TTLL7: variants seen among roughly 807,000 people sequenced by gnomAD.
TTLL7 encodes the protein tubulin polyglutamylase TTLL7.
TTLL7 carries 53 observed loss-of-function variants against 120.2 expected under a neutral mutation model. The ratio of observed to expected loss-of-function variants is 0.44; its 90% CI spans 0.35 to 0.55. The LOEUF is 0.55. Ranked by LOEUF, TTLL7 falls within the 20% of genes least tolerant of loss-of-function variation. The pLI, the probability that TTLL7 is intolerant of heterozygous loss-of-function variation, is 0.00. For missense variants in TTLL7, 803 were observed against 1,054.7 expected (o/e 0.76, Z 3.31); for synonymous variants, 353 against 351.7 (o/e 1.00, Z -0.04).
intron 14 of TTLL7, among the ~76,000 whole-genome samples, chr1:83,915,612 C>T (rs1658082830): frequency 6.6e-6 from 1 of 152,096 alleles, no homozygotes. Flanking sequence ...ACACCAAAAG[C>T]AATGGCAACA....
intron 1 of TTLL7, among the ~76,000 whole-genome samples, chr1:83,955,087 C>T (rs184258497): frequency 2.0e-5 from 3 of 152,260 alleles, no homozygotes; most frequent in East Asian, 1.9e-4. Flanking sequence ...CCTATTCTTC[C>T]GTTGAGCTTC....
At chr1:83,962,954 T>C (rs951112761) in intron 1 of TTLL7, among the ~76,000 whole-genome samples, 2 of 152,164 alleles carry the variant, frequency 1.3e-5, no homozygotes, top group Non-Finnish European at 2.9e-5. Flanking sequence ...TGGACAACGC[T>C]TCTCTAATAA....
intron 14 of TTLL7, among the ~76,000 whole-genome samples, chr1:83,915,337 G>T (rs367586405): frequency 8.5e-5 from 13 of 152,086 alleles, no homozygotes; most frequent in East Asian, 3.9e-4. Flanking sequence ...AAATAATGCC[G>T]CAGGTCTACA....
chr1:83,884,537 C>T (rs1220745079), intron 19 of TTLL7, among the ~76,000 whole-genome samples: 4 of 151,648 alleles, frequency 2.6e-5, no homozygotes, highest in African/African-American at 4.8e-5. Context: ...GGGAGTAAGA[C>T]TGAAATGAGT....
intron 1 of TTLL7, among the ~76,000 whole-genome samples, chr1:83,962,994 A>G (rs575081958): frequency 3.9e-5 from 6 of 152,180 alleles, no homozygotes; most frequent in Non-Finnish European, 5.9e-5. Flanking sequence ...TAAAAAACAT[A>G]CATAGCCTAA....
Position 83,995,938 on chromosome 1 carries a change from C to A in TTLL7, c.-177+2993G>T, listed in dbSNP as rs934860581. 3.9e-5 allele frequency among the ~76,000 whole-genome samples: 6 copies of A among 152,036 alleles called. 1 individual carries two copies. Among genetic ancestry groups the A allele is most frequent in the Middle Eastern group, 6.8e-3 (2 of 294 alleles). On this transcript the variant is annotated intron_variant, in intron 1 of 20. Coordinates refer to ENST00000260505, the MANE Select transcript of TTLL7 (RefSeq NM_024686.6). ...AATTATGTAGTCATTTTTAAGCCTG[C>A]TATTAGGCATTTTAAACCTAGTATT...
At chr1:83,973,234 A>G (rs1651155016) in intron 1 of TTLL7, among the ~76,000 whole-genome samples, 1 of 151,908 alleles carries the variant, frequency 6.6e-6, no homozygotes, top group South Asian at 2.1e-4. Flanking sequence ...GTCTGCTTTG[A>G]GTTAATTTTT....
chr1:83,928,289 A>C (rs1659307176), intron 10 of TTLL7, among the ~76,000 whole-genome samples: 1 of 152,102 alleles, frequency 6.6e-6, no homozygotes, highest in African/African-American at 2.4e-5. Context: ...CTCTGCTAGA[A>C]CTCTTGAATG....
intron 20 of TTLL7, among the ~76,000 whole-genome samples, chr1:83,875,104 A>G (rs567637233): frequency 6.6e-6 from 1 of 152,012 alleles, no homozygotes; most frequent in South Asian, 2.1e-4. Flanking sequence ...ATTATCACCC[A>G]TGTTAAGTAA....
intron 18 of TTLL7, among the ~76,000 whole-genome samples, chr1:83,896,735 A>G (rs1656257528): frequency 6.6e-6 from 1 of 152,064 alleles, no homozygotes; most frequent in Admixed American, 6.6e-5. Context: ...ACCTCTTAGC[A>G]CCCTAAAATA....
At chr1:83,902,698 G>T (rs775211325) in intron 18 of TTLL7, among the ~76,000 whole-genome samples, 2 of 151,872 alleles carry the variant, frequency 1.3e-5, no homozygotes, top group Non-Finnish European at 2.9e-5. Flanking sequence ...ACTCGAGGTA[G>T]TTTCATCTAG....
intron 9 of TTLL7, among the ~76,000 whole-genome samples, chr1:83,929,677 G>C (rs1408697113): frequency 6.6e-6 from 1 of 152,076 alleles, no homozygotes; most frequent in Non-Finnish European, 1.5e-5. Flanking sequence ...GAAACTATCA[G>C]TGCTCCCTTT....
At chr1:83,987,392 A>C (rs992990074) in intron 1 of TTLL7, among the ~76,000 whole-genome samples, 1 of 152,170 alleles carries the variant, frequency 6.6e-6, no homozygotes, top group Non-Finnish European at 1.5e-5. Context: ...CCCTAAATCA[A>C]CGTATAGGTT....
intron 7 of TTLL7, among the ~76,000 whole-genome samples, chr1:83,938,986 G>A (rs1647678256): frequency 6.6e-6 from 1 of 152,080 alleles, no homozygotes; most frequent in South Asian, 2.1e-4. Context: ...AAGCAAGAAG[G>A]CAGAAATGAT....
intron 1 of TTLL7, among the ~76,000 whole-genome samples, chr1:83,974,033 C>T (rs1349853568): frequency 1.3e-5 from 2 of 151,846 alleles, no homozygotes; most frequent in African/African-American, 2.4e-5. Flanking sequence ...ATATGTTTTA[C>T]CTCAAATTTT....
intron 1 of TTLL7, among the ~76,000 whole-genome samples, chr1:83,958,862 T>G (rs1649768498): frequency 6.6e-6 from 1 of 152,202 alleles, no homozygotes; most frequent in Non-Finnish European, 1.5e-5. Flanking sequence ...TCATTAGGTC[T>G]GAGGTAGAGC....
In TTLL7 at chr1:83,955,935, A is replaced by G. The variant is rs1447995843; in HGVS notation, c.-176-3548T>C. ...ATGATAGCTTGAGCTAGGGAGGTCA[A>G]GGCTGCAGTGAGCTGTGTTCATGCC... is the stretch of plus-strand genomic sequence containing the variant. On this transcript the variant is annotated intron_variant, in intron 1 of 20. Coordinates refer to ENST00000260505, the MANE Select transcript of TTLL7 (RefSeq NM_024686.6). 2.0e-5 allele frequency among the ~76,000 whole-genome samples: 3 copies of G among 152,314 alleles called. No individual in the cohort carries two copies. The East Asian group carries it at 5.8e-4, about 29-fold the overall frequency.
intron 1 of TTLL7, among the ~76,000 whole-genome samples, chr1:83,978,281 G>A (rs35075863): frequency 4.5e-4 from 69 of 152,262 alleles, no homozygotes; most frequent in Non-Finnish European, 7.2e-4. Flanking sequence ...TATATGAACT[G>A]ATGAAGCTTT....
chr1:83,888,156 T>C (rs28726372), intron 19 of TTLL7, among the ~76,000 whole-genome samples: 37,010 of 151,914 alleles, frequency 0.24, 5,463 homozygotes, highest in Admixed American at 0.34. Flanking sequence ...AGCCACAGCA[T>C]TGATTTCACT....
Sources: gnomAD v4.1 joint callset for allele counts (sites outside exome capture counted in the v4.1 genomes callset) on GRCh38, gnomAD v4.1.1 for gene constraint, MANE v1.5 for transcripts, NCBI Gene and HGNC (gene_info 2026-07-23, HGNC 2026-07-21) for gene names.